GRIK2: variants seen among roughly 807,000 people sequenced by gnomAD.
GRIK2 encodes glutamate ionotropic receptor kainate type subunit 2, also known as glutamate receptor ionotropic, kainate 2.
GRIK2 carries 32 observed loss-of-function variants against 100.3 expected under a neutral mutation model. The observed-to-expected ratio is 0.32, with a 90% CI of 0.24 to 0.43. The LOEUF is 0.43. Ranked by LOEUF, GRIK2 falls within the 20% of genes least tolerant of loss-of-function variation. GRIK2 has a pLI of 1.00. For synonymous variants in GRIK2, 417 were observed against 389.4 expected (o/e 1.07, Z -0.83); for missense variants, 843 against 1,114.9 (o/e 0.76, Z 3.47).
chr6:101,864,424 A>C (rs527290702), intron 11 of GRIK2, among the ~76,000 whole-genome samples: 25 of 152,306 alleles, frequency 1.6e-4, no homozygotes, highest in Admixed American at 1.6e-3. Flanking sequence ...CTATAAATAC[A>C]AATTTTTCCT....
At chr6:101,716,699 T>C (rs965185662) in intron 7 of GRIK2, among the ~76,000 whole-genome samples, 7 of 151,504 alleles carry the variant, frequency 4.6e-5, no homozygotes, top group Non-Finnish European at 1.0e-4. Flanking sequence ...TGTATACATA[T>C]GTAACAAACC....
At chr6:101,990,189 T>C (rs967185854) in intron 14 of GRIK2, among the ~76,000 whole-genome samples, 3 of 151,678 alleles carry the variant, frequency 2.0e-5, no homozygotes, top group Admixed American at 1.3e-4. Context: ...ATTCAGTGAG[T>C]GTTCACTGTA....
intron 7 of GRIK2, among the ~76,000 whole-genome samples, chr6:101,771,609 T>C (rs1778410788): frequency 6.6e-6 from 1 of 151,880 alleles, no homozygotes; most frequent in Admixed American, 6.6e-5. Context: ...TGTATACATG[T>C]GCCATGTTGG....
intron 2 of GRIK2, among the ~76,000 whole-genome samples, chr6:101,577,355 A>T (rs659173): frequency 6.6e-6 from 1 of 151,836 alleles, no homozygotes; most frequent in African/African-American, 2.4e-5. Context: ...AACAGCATTC[A>T]TTGAATGCTT....
At chr6:101,636,852 C>G (rs912348036) in intron 4 of GRIK2, among the ~76,000 whole-genome samples, 1 of 152,128 alleles carries the variant, frequency 6.6e-6, no homozygotes, top group Non-Finnish European at 1.5e-5. Context: ...TATTGGCATG[C>G]ACATTTTTGG....
chr6:101,985,606 A>G (rs1202977429), intron 14 of GRIK2, among the ~76,000 whole-genome samples: 19 of 151,758 alleles, frequency 1.3e-4, no homozygotes, highest in Admixed American at 1.1e-3. Context: ...TTACCAGACA[A>G]ACTCTGGGAT....
At chr6:101,867,730 C>T (rs570133539) in intron 11 of GRIK2, among the ~76,000 whole-genome samples, 1 of 151,146 alleles carries the variant, frequency 6.6e-6, no homozygotes, top group South Asian at 2.1e-4. Context: ...CATGCAGTTC[C>T]AAAATTAATA....
chr6:101,496,227 G>A lies in GRIK2; in HGVS notation c.115+96835G>A, dbSNP rs9498598. ...CTCCCAAAGTGCTGGGGTTACAGGC[G>A]TGAGCCACCATGCCTGGCCCTGGAC... On this transcript the variant is annotated intron_variant, in intron 2 of 16. Coordinates refer to ENST00000369134, the MANE Select transcript of GRIK2 (RefSeq NM_021956.5). 1.2e-3 allele frequency among the ~76,000 whole-genome samples: 182 copies of A among 152,068 alleles called. 1 individual carries two copies. The highest frequency in any genetic ancestry group is 4.2e-3 in the African/African-American group (176 of 41,474).
In GRIK2 at chr6:101,495,399, G is replaced by A. The variant is rs553149586; in HGVS notation, c.115+96007G>A. ...CGGGCACCTGTAGTCCCAGCTACTC[G>A]GGAGGCTGAGGCAGGAGAATGGCGT... is the stretch of plus-strand genomic sequence containing the variant. On this transcript the variant is annotated intron_variant, in intron 2 of 16. Coordinates refer to ENST00000369134, the MANE Select transcript of GRIK2 (RefSeq NM_021956.5). Among the ~76,000 whole-genome samples the A allele has an allele frequency of 1.3e-3, 192 of 152,174 alleles. 2 individuals carry two copies. Among genetic ancestry groups the A allele is most frequent in the African/African-American group, 4.0e-3 (168 of 41,532 alleles).
At chr6:101,591,938 G>A (rs1778663630) in intron 2 of GRIK2, among the ~76,000 whole-genome samples, 1 of 151,986 alleles carries the variant, frequency 6.6e-6, no homozygotes, top group Admixed American at 6.6e-5. Flanking sequence ...CCTGATGAGA[G>A]GTATTGGATC....
intron 14 of GRIK2, among the ~76,000 whole-genome samples, chr6:102,017,951 C>G (rs956775051): frequency 6.6e-6 from 1 of 152,124 alleles, no homozygotes; most frequent in Admixed American, 6.6e-5. Flanking sequence ...CCATTAAAGG[C>G]CATAGAAAAA....
At chr6:101,470,928 A>G (rs1012301224) in intron 2 of GRIK2, among the ~76,000 whole-genome samples, 1 of 152,198 alleles carries the variant, frequency 6.6e-6, no homozygotes, top group African/African-American at 2.4e-5. Flanking sequence ...TACAACCATG[A>G]TGTTATAAAT....
chr6:101,740,385 A>G (rs1775943763), intron 7 of GRIK2, among the ~76,000 whole-genome samples: 1 of 152,148 alleles, frequency 6.6e-6, no homozygotes, highest in Admixed American at 6.5e-5. Flanking sequence ...AAAAACAGAA[A>G]TGTTCATTAT....
intron 2 of GRIK2, among the ~76,000 whole-genome samples, chr6:101,572,337 T>C (rs1384186205): frequency 2.0e-5 from 3 of 152,074 alleles, no homozygotes; most frequent in Non-Finnish European, 4.4e-5. Context: ...CACTTCCTCA[T>C]ACCACCGCTC....
At chr6:101,442,905 C>T (rs969131241) in intron 2 of GRIK2, among the ~76,000 whole-genome samples, 3 of 152,148 alleles carry the variant, frequency 2.0e-5, no homozygotes, top group Non-Finnish European at 4.4e-5. Flanking sequence ...CTCCTGTTAG[C>T]AAGTCTTGAC....
At chr6:101,784,640 G>A (rs1381755291) in intron 7 of GRIK2, among the ~76,000 whole-genome samples, 1 of 152,156 alleles carries the variant, frequency 6.6e-6, no homozygotes, top group East Asian at 1.9e-4. Context: ...GAGACCTGGT[G>A]GGAGGTGATT....
chr6:101,890,029 G>T (rs1464573258), intron 12 of GRIK2, 166 bp downstream of exon 12: 3 of 601,826 alleles, frequency 5.0e-6, no homozygotes, highest in Non-Finnish European at 8.8e-6. Flanking sequence ...AAAATGTACT[G>T]TCCTGTCTTT....
intron 2 of GRIK2, among the ~76,000 whole-genome samples, chr6:101,480,223 C>A (rs1317148327): frequency 1.3e-5 from 2 of 152,130 alleles, no homozygotes; most frequent in Admixed American, 6.6e-5. Context: ...GCTCACAAAT[C>A]GACCATTTAC....
chr6:101,654,821 A>G (rs777841245), intron 4 of GRIK2, among the ~76,000 whole-genome samples: 38 of 152,196 alleles, frequency 2.5e-4, no homozygotes, highest in Middle Eastern at 3.4e-3. Flanking sequence ...CCACTCTCCT[A>G]TCCACCTCTG....
Sources: allele counts gnomAD v4.1 joint callset (sites outside exome capture counted in the v4.1 genomes callset), GRCh38; gene constraint gnomAD v4.1.1; transcripts MANE v1.5; gene names NCBI Gene and HGNC (gene_info 2026-07-23, HGNC 2026-07-21).